Variants in EXTL3 observed in about 807,000 individuals in gnomAD.
The protein encoded by EXTL3 is exostosin-like 3.
Under a neutral mutation model 69.3 loss-of-function variants are expected in EXTL3, and 27 were observed. The observed-to-expected ratio is 0.39, with a 90% CI of 0.29 to 0.54. EXTL3 has a LOEUF of 0.54. Among genes scored for constraint, EXTL3 ranks in the 20% least tolerant of loss-of-function variants. The pLI is 0.69. For missense variants in EXTL3, 1,003 were observed against 1,231.8 expected, an observed-to-expected ratio of 0.81 and a Z score of 2.78; for synonymous variants, 511 against 499.4, an observed-to-expected ratio of 1.02 and a Z score of -0.31.
intron 1 of EXTL3, among the ~76,000 whole-genome samples, chr8:28,685,461 A>G (rs1279319247): frequency 6.9e-6 from 1 of 145,800 alleles, no homozygotes; most frequent in East Asian, 2.0e-4. Context: ...TTTTGACGAC[A>G]TTGACATTTT....
chr8:28,709,682 T>C (rs191772933), intron 1 of EXTL3, among the ~76,000 whole-genome samples: 1 of 152,348 alleles, frequency 6.6e-6, no homozygotes. Context: ...ATCAGTGTTT[T>C]AGTTTTACAA....
intron 1 of EXTL3, among the ~76,000 whole-genome samples, chr8:28,706,085 A>T (rs1173845128): frequency 1.3e-5 from 2 of 152,178 alleles, no homozygotes; most frequent in Admixed American, 6.5e-5. Context: ...AAGCTTCCTA[A>T]TGGTATCATA....
intron 1 of EXTL3, among the ~76,000 whole-genome samples, chr8:28,625,094 C>A (rs1272810382): frequency 6.6e-6 from 1 of 152,164 alleles, no homozygotes; most frequent in Non-Finnish European, 1.5e-5. Context: ...AGTTACAGAC[C>A]GGCACTTAGA....
intron 3 of EXTL3, among the ~76,000 whole-genome samples, chr8:28,728,540 T>C (rs182732214): frequency 6.6e-6 from 1 of 152,314 alleles, no homozygotes; most frequent in African/African-American, 2.4e-5. Context: ...CAGATCCTTC[T>C]TTGTCTTGAG....
intron 1 of EXTL3, among the ~76,000 whole-genome samples, chr8:28,638,072 T>G (rs994071603): frequency 6.6e-6 from 1 of 152,188 alleles, no homozygotes; most frequent in Non-Finnish European, 1.5e-5. Flanking sequence ...TCTTTCCTCC[T>G]TTTCCTCGTG....
intron 2 of EXTL3, 136 bp from the exon 3 acceptor site, chr8:28,715,449 T>C (rs1801123545): frequency 6.5e-6 from 1 of 153,364 alleles, no homozygotes; most frequent in Non-Finnish European, 1.5e-5. Flanking sequence ...GCATTGTCAT[T>C]ATAATGTTCT....
rs1019453687 is a variant in EXTL3, at chr8:28,706,205, A to G, written c.-570+4546A>G. On this transcript the variant is annotated intron_variant, in intron 1 of 6. Coordinates refer to ENST00000220562, the MANE Select transcript of EXTL3 (RefSeq NM_001440.4). Reference sequence around the variant, plus strand: ...AATAATGAGGTGATTGCATCTTTACATACAAATCTTGCTCACCTAAAATAT... The same window carrying G: ...AATAATGAGGTGATTGCATCTTTACGTACAAATCTTGCTCACCTAAAATAT... Among the ~76,000 whole-genome samples, 5 of 152,230 alleles carry G rather than the reference A, an allele frequency of 3.3e-5. No individual in the cohort carries two copies. In the East Asian group the frequency reaches 5.8e-4, roughly 18 times the overall value.
intron 1 of EXTL3, chr8:28,710,508 G>A: frequency 2.2e-6 from 1 of 456,168 alleles, no homozygotes; most frequent in Non-Finnish European, 4.4e-6. Context: ...GAAGGTGTAA[G>A]TGGGGAGAAT....
chr8:28,699,380 TAGG>T (rs570297004), upstream of EXTL3: 194 of 150,736 alleles, frequency 1.3e-3, no homozygotes, highest in South Asian at 2.3e-3. Context: ...GAACACAAGG[TAGG>T]AGAAGGAACA....
intron 6 of EXTL3, among the ~76,000 whole-genome samples, chr8:28,747,275 C>G (rs1338675190): frequency 1.3e-5 from 2 of 152,146 alleles, no homozygotes; most frequent in Non-Finnish European, 2.9e-5. Flanking sequence ...CTGACGTGAT[C>G]CCGAAGGGTT....
chr8:28,638,641 TG>T (rs1330081462), intron 1 of EXTL3, among the ~76,000 whole-genome samples: 1 of 152,246 alleles, frequency 6.6e-6, no homozygotes, highest in Non-Finnish European at 1.5e-5. Context: ...TGTTTTGTTT[TG>T]TTTTTTGAGA....
intron 1 of EXTL3, among the ~76,000 whole-genome samples, chr8:28,637,741 G>A (rs1806679484): frequency 1.3e-5 from 2 of 151,940 alleles, no homozygotes; most frequent in African/African-American, 4.8e-5. Flanking sequence ...ATCCTTCTCA[G>A]CCTTTGCACC....
chr8:28,749,923 G>A (rs1375061992), intron 6 of EXTL3, among the ~76,000 whole-genome samples: 2 of 152,112 alleles, frequency 1.3e-5, no homozygotes, highest in East Asian at 3.9e-4. Flanking sequence ...TGTACTCCTG[G>A]GCTCAAGCGA....
In EXTL3 at chr8:28,752,823, C is replaced by CTATA. The variant is rs1486013864; in HGVS notation, c.*1959_*1962dup. 6.5e-6 allele frequency: 1 copy of CTATA among 152,770 alleles called. No individual in the cohort carries two copies. Among genetic ancestry groups the CTATA allele is most frequent in the African/African-American group, 2.4e-5 (1 of 41,412 alleles). 9.5% of individuals were successfully genotyped at this position (152,770 alleles called of 1,614,324 possible). ...GAGCCAAAGAGTGTGGTGTGTGGCG[C>CTATA]TATATTGTGGCTGCTATTTCATCTG... On this transcript the variant is annotated 3_prime_UTR_variant, in exon 7 of 7. Transcript: ENST00000220562.
chr8:28,693,730 A>G (rs240932), intron 1 of EXTL3, among the ~76,000 whole-genome samples: 1 of 152,198 alleles, frequency 6.6e-6, no homozygotes, highest in African/African-American at 2.4e-5. Flanking sequence ...AGAGTGAGCC[A>G]TTTATCAGGG....
chr8:28,718,350 C>T (rs905981115), intron 3 of EXTL3, 143 bp downstream of exon 3: 2 of 868,070 alleles, frequency 2.3e-6, no homozygotes, highest in Non-Finnish European at 3.7e-6. Context: ...GTATAGATTC[C>T]TTTCTTCCTG....
intron 1 of EXTL3, among the ~76,000 whole-genome samples, chr8:28,628,211 A>C (rs1185856216): frequency 6.6e-6 from 1 of 152,114 alleles, no homozygotes; most frequent in African/African-American, 2.4e-5. Flanking sequence ...AAAACACAAA[A>C]ATAATCTGGA....
At chr8:28,608,588 C>T (rs527238292) in intron 2 of EXTL3, among the ~76,000 whole-genome samples, 1 of 152,166 alleles carries the variant, frequency 6.6e-6, no homozygotes, top group Non-Finnish European at 1.5e-5. Flanking sequence ...CCTGGCCAGG[C>T]ACAGTGGCTC....
rs376747953 is a variant in EXTL3 at position 28,737,495 on chromosome 8, G to T, written c.2277-24G>T. 65 of 1,613,766 alleles carry T rather than the reference G, an allele frequency of 4.0e-5. No homozygotes were observed. The East Asian group carries it at 4.2e-4, about 11-fold the overall frequency. ...ACCCTAGAGCTCTGTATTCAGGTCTGTGTATGCACTTGTGTTTTTCAAGGG... is the reference window on the plus strand; with the variant it reads ...ACCCTAGAGCTCTGTATTCAGGTCTTTGTATGCACTTGTGTTTTTCAAGGG... On this transcript the variant is annotated intron_variant, in intron 4 of 6. Coordinates refer to ENST00000220562, the MANE Select transcript of EXTL3 (RefSeq NM_001440.4).
Sources: allele counts gnomAD v4.1 joint callset (sites outside exome capture counted in the v4.1 genomes callset), GRCh38; gene constraint gnomAD v4.1.1; transcripts MANE v1.5; gene names NCBI Gene and HGNC (gene_info 2026-07-23, HGNC 2026-07-21).